The following OPA1 variants were observed in gnomAD, a reference collection of about 807,000 sequenced individuals.
OPA1 encodes the protein dynamin-like GTPase OPA1, mitochondrial.
OPA1 carries 59 observed loss-of-function variants against 152.9 expected under a neutral mutation model. The observed-to-expected ratio is 0.39, with a 90% confidence interval of 0.31 to 0.48. The LOEUF (loss-of-function observed/expected upper bound fraction) is 0.48. OPA1 is among the 20% of genes least tolerant of loss of function. OPA1 has a pLI of 0.96. For missense variants in OPA1, 1,008 were observed against 1,216.8 expected (o/e 0.83, Z 2.55); for synonymous variants, 400 against 389.9 (o/e 1.03, Z -0.31).
intron 22 of OPA1, 147 bp from the exon 23 acceptor site, chr3:193,656,933 G>A: frequency 1.5e-6 from 1 of 689,584 alleles, no homozygotes; most frequent in Non-Finnish European, 2.4e-6. Context: ...GTTTATATTT[G>A]CCTTTTTGTT....
At chr3:193,636,836 A>T (rs537639220) in intron 9 of OPA1, among the ~76,000 whole-genome samples, 1 of 140,434 alleles carries the variant, frequency 7.1e-6, no homozygotes, top group Non-Finnish European at 1.5e-5. Context: ...TTTCATTGTC[A>T]GTTGGTTACC....
In OPA1 at chr3:193,666,397, A is replaced by T. The variant is rs1230571708; in HGVS notation, c.2872+8A>T. The T allele has an allele frequency of 6.3e-7, 1 of 1,594,152 alleles. No homozygotes were observed. Among genetic ancestry groups the T allele is most frequent in the Admixed American group, 1.7e-5 (1 of 60,004 alleles). On this transcript the variant is annotated splice_region_variant and intron_variant, in intron 28 of 30. Coordinates refer to ENST00000361510, the MANE Select transcript of OPA1 (RefSeq NM_130837.3). ...AACTTACAAATACTGAAGGTAAGCC[A>T]CATAGGGACTGCAGTCTTATTTTGA... is the stretch of plus-strand genomic sequence containing the variant.
intron 7 of OPA1, among the ~76,000 whole-genome samples, chr3:193,627,733 A>G (rs1731389014): frequency 6.6e-6 from 1 of 152,178 alleles, no homozygotes; most frequent in Admixed American, 6.5e-5. Context: ...TTCATTTTCT[A>G]CATTGCTGAA....
chr3:193,668,286 G>T, intron 29 of OPA1: 1 of 1,514,496 alleles, frequency 6.6e-7, no homozygotes, highest in South Asian at 1.2e-5. Context: ...AACCCAACTT[G>T]AATGAAGATA....
At chr3:193,643,170 A>T (rs575036288) in intron 13 of OPA1, 121 bp downstream of exon 13, 4 of 942,508 alleles carry the variant, frequency 4.2e-6, no homozygotes, top group East Asian at 2.6e-5. Context: ...AGAGCTTTTA[A>T]AAAAAAATCC....
At chr3:193,690,634 C>T (rs1256192612) in intron 29 of OPA1, among the ~76,000 whole-genome samples, 1 of 152,064 alleles carries the variant, frequency 6.6e-6, no homozygotes, top group Non-Finnish European at 1.5e-5. Context: ...AAGGACAATT[C>T]TTCATTTTCT....
chr3:193,646,006 C>T (rs911405722), intron 18 of OPA1, among the ~76,000 whole-genome samples: 10 of 152,204 alleles, frequency 6.6e-5, no homozygotes, highest in Non-Finnish European at 1.2e-4. Context: ...TGGTACAATA[C>T]ATACTGGCAT....
intron 7 of OPA1, among the ~76,000 whole-genome samples, chr3:193,629,132 C>T (rs6444734): frequency 0.43 from 65,195 of 151,656 alleles, 14,268 homozygotes; most frequent in Non-Finnish European, 0.44. Context: ...AGGCTGGTCT[C>T]GAACTCCCGA....
Position 193,685,102 on chromosome 3 carries a change from C to T in OPA1, c.2984-6961C>T, listed in dbSNP as rs142503461. On this transcript the variant is annotated intron_variant, in intron 29 of 30. Transcript: ENST00000361510. ...GGATCACGAGGTCAGGAGTTTGAGA[C>T]CAGCCTAGCCAATATGGTGAAACCC... Among the ~76,000 whole-genome samples, 34 of 152,094 alleles carry T rather than the reference C, an allele frequency of 2.2e-4. No homozygotes were observed. In the East Asian group the frequency reaches 6.0e-3, roughly 27 times the overall value.
At chr3:193,605,871 TTACTC>T (rs762114966) in intron 1 of OPA1, among the ~76,000 whole-genome samples, 7 of 152,208 alleles carry the variant, frequency 4.6e-5, no homozygotes, top group Non-Finnish European at 7.3e-5. Context: ...AATGACCTTT[TTACTC>T]TAAGGGATTT....
intron 11 of OPA1, 87 bp downstream of exon 11, chr3:193,638,152 T>G (rs1391622244): frequency 4.2e-6 from 4 of 945,642 alleles, no homozygotes; most frequent in Non-Finnish European, 6.8e-6. Context: ...TGAGGACTTT[T>G]AACCAAAGAA....
intron 1 of OPA1, among the ~76,000 whole-genome samples, chr3:193,595,560 G>C (rs1192768976): frequency 6.6e-6 from 1 of 152,128 alleles, no homozygotes; most frequent in Non-Finnish European, 1.5e-5. Flanking sequence ...TTGCTGCTGA[G>C]AATTCTTATG....
intron 1 of OPA1, among the ~76,000 whole-genome samples, chr3:193,610,987 G>A (rs1379088941): frequency 1.3e-5 from 2 of 152,172 alleles, no homozygotes; most frequent in Non-Finnish European, 2.9e-5. Context: ...TGCTTCCTGG[G>A]TGAGGCGATG....
At chr3:193,646,061 TCTTA>T (rs200836008) in intron 18 of OPA1, among the ~76,000 whole-genome samples, 1 of 122,798 alleles carries the variant, frequency 8.1e-6, no homozygotes, top group African/African-American at 2.9e-5. Flanking sequence ...GATATCTGCC[TCTTA>T]CTTTATTTTA....
chr3:193,635,997 A>G (rs1732870872), intron 9 of OPA1, among the ~76,000 whole-genome samples: 1 of 152,162 alleles, frequency 6.6e-6, no homozygotes, highest in Non-Finnish European at 1.5e-5. Context: ...GTGTGCTGGT[A>G]TTGTTACTAT....
At chr3:193,600,842 CAT>C (rs1255188556) in intron 1 of OPA1, among the ~76,000 whole-genome samples, 2 of 152,178 alleles carry the variant, frequency 1.3e-5, no homozygotes. Context: ...CTCCTATAAA[CAT>C]ATCGTGGGTT....
chr3:193,602,940 C>A (rs1365880285), intron 1 of OPA1, among the ~76,000 whole-genome samples: 9 of 152,174 alleles, frequency 5.9e-5, no homozygotes, highest in Non-Finnish European at 8.8e-5. Flanking sequence ...CAAACTATTA[C>A]AAGAACATAC....
At chr3:193,663,610 T>C (rs1369271940) in intron 26 of OPA1, among the ~76,000 whole-genome samples, 1 of 152,138 alleles carries the variant, frequency 6.6e-6, no homozygotes, top group Non-Finnish European at 1.5e-5. Context: ...AAGCTCCTTA[T>C]AATATTAGCT....
In OPA1 at chr3:193,686,566, C is replaced by T. The variant is rs571917526; in HGVS notation, c.2984-5497C>T. Reference sequence around the variant, plus strand: ...TGTGCTAACTCTAAGATTTTAGCTACAGTTTTGAGAATCTTGAGTGTAGTC... The same window carrying T: ...TGTGCTAACTCTAAGATTTTAGCTATAGTTTTGAGAATCTTGAGTGTAGTC... On this transcript the variant is annotated intron_variant, in intron 29 of 30. Transcript: ENST00000361510. Among the ~76,000 whole-genome samples the T allele has an allele frequency of 3.2e-4, 48 of 152,270 alleles. No homozygotes were observed. The South Asian group carries it at 9.1e-3, about 29-fold the overall frequency.
Sources: gnomAD v4.1 joint callset for allele counts (sites outside exome capture counted in the v4.1 genomes callset) on GRCh38, gnomAD v4.1.1 for gene constraint, MANE v1.5 for transcripts, NCBI Gene and HGNC (gene_info 2026-07-23, HGNC 2026-07-21) for gene names.